CEP63: variants seen among roughly 807,000 people sequenced by gnomAD.
CEP63 encodes centrosomal protein of 63 kDa.
CEP63 carries 84 observed loss-of-function variants against 89.1 expected under a neutral mutation model. The ratio of observed to expected loss-of-function variants is 0.94; its 90% confidence interval spans 0.79 to 1.13. The LOEUF (loss-of-function observed/expected upper bound fraction) is 1.13. Ranked by LOEUF, CEP63 falls within the 50% of genes most tolerant of loss-of-function variation. The pLI, the probability that CEP63 is intolerant of heterozygous loss-of-function variation, is 0.00. For missense variants in CEP63, 838 were observed against 813.3 expected (o/e 1.03, Z -0.37); for synonymous variants, 267 against 272.5 (o/e 0.98, Z 0.20).
At chr3:134,683,573 A>T in the CEP63 span, among the ~76,000 whole-genome samples, 77 of 152,226 alleles carry the variant, frequency 5.1e-4, no homozygotes, top group Admixed American at 4.6e-4. Context: ...TAGAAAAACC[A>T]TCTACAGTGG....
At chr3:134,758,212 G>A in the CEP63 span, among the ~76,000 whole-genome samples, 1 of 152,206 alleles carries the variant, frequency 6.6e-6, no homozygotes, top group African/African-American at 2.4e-5. Flanking sequence ...TAAGTGCCAT[G>A]AGGTTAGGAA....
intron 9 of CEP63, among the ~76,000 whole-genome samples, chr3:134,548,321 A>G (rs1954034710): frequency 1.3e-5 from 2 of 152,202 alleles, no homozygotes; most frequent in African/African-American, 4.8e-5. Context: ...GCAGGGTAGG[A>G]AGGGGTAACA....
At chr3:134,646,686 C>G in the CEP63 span, among the ~76,000 whole-genome samples, 2 of 152,136 alleles carry the variant, frequency 1.3e-5, no homozygotes, top group Non-Finnish European at 2.9e-5. Context: ...GAGGGTGGTT[C>G]CTTTACACTG....
chr3:134,651,758 AGG>A, the CEP63 span: 1 of 346,300 alleles, frequency 2.9e-6, no homozygotes, highest in Non-Finnish European at 4.1e-6. Context: ...GGAAGGAGGG[AGG>A]GGGAGAGGAG....
the CEP63 span, among the ~76,000 whole-genome samples, chr3:134,672,194 G>C: frequency 1.3e-5 from 2 of 152,206 alleles, no homozygotes; most frequent in Non-Finnish European, 2.9e-5. Context: ...ATGTGTTCAT[G>C]TGTCACCTCT....
the CEP63 span, chr3:134,627,966 C>G: frequency 1.6e-6 from 1 of 643,044 alleles, no homozygotes; most frequent in East Asian, 2.7e-5. Context: ...CCACTGACCA[C>G]TGAATTGCTG....
the CEP63 span, among the ~76,000 whole-genome samples, chr3:134,602,261 G>A: frequency 6.6e-6 from 1 of 152,130 alleles, no homozygotes; most frequent in African/African-American, 2.4e-5. Context: ...CCTCTTATCT[G>A]CCCTCGCTGA....
At chr3:134,656,917 A>T in the CEP63 span, among the ~76,000 whole-genome samples, 1 of 152,196 alleles carries the variant, frequency 6.6e-6, no homozygotes, top group Non-Finnish European at 1.5e-5. Context: ...AGCCACCTAA[A>T]TCCCGTCATC....
chr3:134,769,998 C>T, the CEP63 span, among the ~76,000 whole-genome samples: 4 of 152,356 alleles, frequency 2.6e-5, no homozygotes, highest in South Asian at 6.2e-4. Flanking sequence ...TTCTCCCTGT[C>T]ATTGCATTGG....
chr3:134,710,322 A>G, the CEP63 span, among the ~76,000 whole-genome samples: 1 of 152,176 alleles, frequency 6.6e-6, no homozygotes, highest in Non-Finnish European at 1.5e-5. Flanking sequence ...AAGCTCCAGT[A>G]GTGTCATTTG....
At chr3:134,604,679 C>T in the CEP63 span, among the ~76,000 whole-genome samples, 3 of 152,178 alleles carry the variant, frequency 2.0e-5, no homozygotes, top group Non-Finnish European at 4.4e-5. Flanking sequence ...GGCAGCACAC[C>T]GCTGGAAGGG....
the CEP63 span, among the ~76,000 whole-genome samples, chr3:134,691,312 C>A: frequency 1.3e-5 from 2 of 148,520 alleles, no homozygotes; most frequent in East Asian, 4.0e-4. Flanking sequence ...GAGCTGAGAT[C>A]GTGCCATTGC....
At chr3:134,678,419 T>A in the CEP63 span, among the ~76,000 whole-genome samples, 1 of 152,136 alleles carries the variant, frequency 6.6e-6, no homozygotes, top group Non-Finnish European at 1.5e-5. Context: ...ATTGTTTAAA[T>A]AGGCTTCACA....
chr3:134,498,065 C>G (rs537485513), intron 2 of CEP63, among the ~76,000 whole-genome samples: 1 of 151,950 alleles, frequency 6.6e-6, no homozygotes, highest in Admixed American at 6.6e-5. Context: ...TTTTATGGTT[C>G]GGTGTGAATT....
At chr3:134,769,283 C>A in the CEP63 span, among the ~76,000 whole-genome samples, 1 of 152,166 alleles carries the variant, frequency 6.6e-6, no homozygotes, top group Non-Finnish European at 1.5e-5. Flanking sequence ...CCACCTCAGA[C>A]CTACTGAATC....
downstream of CEP63, among the ~76,000 whole-genome samples, chr3:134,592,549 G>A (rs1958621538): frequency 6.9e-6 from 1 of 144,408 alleles, no homozygotes; most frequent in South Asian, 2.2e-4. Context: ...TCCCAAAGAT[G>A]GGCAAATGGG....
At chr3:134,506,870 A>G (rs1471904960) in intron 2 of CEP63, among the ~76,000 whole-genome samples, 4 of 142,778 alleles carry the variant, frequency 2.8e-5, no homozygotes, top group East Asian at 2.2e-4. Context: ...GTGAGCCATG[A>G]TCATGCCACT....
At chr3:134,567,388 A>G (rs1412550707), downstream of CEP63, among the ~76,000 whole-genome samples, 2 of 152,014 alleles carry the variant, frequency 1.3e-5, no homozygotes, top group East Asian at 3.8e-4. Flanking sequence ...CTCTGAATAT[A>G]ACAACTAAAA....
the CEP63 span, among the ~76,000 whole-genome samples, chr3:134,720,408 G>A: frequency 6.6e-6 from 1 of 151,936 alleles, no homozygotes; most frequent in Non-Finnish European, 1.5e-5. Context: ...CCTATTATTT[G>A]GTTTGTCTTT....
Sources: gnomAD v4.1 joint callset for allele counts (sites outside exome capture counted in the v4.1 genomes callset) on GRCh38, gnomAD v4.1.1 for gene constraint, MANE v1.5 for transcripts, NCBI Gene and HGNC (gene_info 2026-07-23, HGNC 2026-07-21) for gene names.